PNKD: variants seen among roughly 807,000 people sequenced by gnomAD.
PNKD encodes probable thioesterase PNKD.
In PNKD, 36 loss-of-function variants were observed where a neutral mutation model predicts 45.3. That is an observed-to-expected ratio of 0.80 (90% CI 0.61 to 1.05). The LOEUF is 1.05. PNKD is among the 50% of genes least tolerant of loss of function. The pLI, the probability that PNKD is intolerant of heterozygous loss-of-function variation, is 0.00. For synonymous variants in PNKD, 197 were observed against 210.1 expected, an observed-to-expected ratio of 0.94 and a Z score of 0.54; for missense variants, 511 against 506.6, an observed-to-expected ratio of 1.01 and a Z score of -0.08.
chr2:218,278,569 G>A, intron 2 of PNKD: 1 of 1,614,192 alleles, frequency 6.2e-7, no homozygotes, highest in East Asian at 2.2e-5. Context: ...GACAGCACTA[G>A]GGACAAAGAG....
intron 2 of PNKD, among the ~76,000 whole-genome samples, chr2:218,273,106 C>A (rs1040913898): frequency 6.6e-6 from 1 of 152,178 alleles, no homozygotes; most frequent in African/African-American, 2.4e-5. Flanking sequence ...GCCCTCGGGA[C>A]CAAGCCCTCA....
chr2:218,281,919 A>C, intron 2 of PNKD: 1 of 1,566,900 alleles, frequency 6.4e-7, no homozygotes, highest in Non-Finnish European at 8.7e-7. Context: ...CCCACCTTCC[A>C]TCTGCCCTTC....
chr2:218,323,394 C>T lies in PNKD; in HGVS notation c.237-16389C>T. ...AGCGCGGCGGGGCCTCCGCGGTCTG[C>T]TCATGGCGCACAGCCAGCGGCTGCT... On this transcript the variant is annotated intron_variant, in intron 2 of 9. Transcript: ENST00000273077. 1.3e-6 allele frequency: 2 copies of T among 1,577,738 alleles called. 1 individual carries two copies. The highest frequency in any genetic ancestry group is 1.7e-6 in the Non-Finnish European group (2 of 1,168,610).
At chr2:218,276,049 G>A (rs1691172776) in intron 2 of PNKD, 1 of 1,613,104 alleles carries the variant, frequency 6.2e-7, no homozygotes, top group Non-Finnish European at 8.5e-7. Flanking sequence ...ATGGCCCCCA[G>A]AGCAGCATAG....
chr2:218,338,673 G>A (rs568508372), intron 2 of PNKD, among the ~76,000 whole-genome samples: 53 of 151,764 alleles, frequency 3.5e-4, no homozygotes, highest in Middle Eastern at 3.4e-3. Context: ...TAGTAGAGAC[G>A]GGGTTTCACC....
chr2:218,278,674 G>T, intron 2 of PNKD: 1 of 1,209,022 alleles, frequency 8.3e-7, no homozygotes, highest in Non-Finnish European at 1.2e-6. Flanking sequence ...AGTCTGAGGG[G>T]AAGCAACTCA....
chr2:218,344,647 A>G, intron 9 of PNKD, 77 bp downstream of exon 9: 3 of 1,422,066 alleles, frequency 2.1e-6, no homozygotes, highest in Middle Eastern at 3.6e-4. Context: ...TGCTGACCCC[A>G]GGCCTGCGAG....
chr2:218,295,103 T>C (rs1269355052), intron 2 of PNKD, among the ~76,000 whole-genome samples: 1 of 152,226 alleles, frequency 6.6e-6, no homozygotes, highest in Non-Finnish European at 1.5e-5. Flanking sequence ...TGCGTGCTTT[T>C]TCTCCAGAGC....
chr2:218,315,289 G>A (rs1020709217), intron 2 of PNKD, among the ~76,000 whole-genome samples: 3 of 151,150 alleles, frequency 2.0e-5, no homozygotes, highest in Non-Finnish European at 4.4e-5. Context: ...CTACAGGCAC[G>A]CGCCACCACG....
intron 2 of PNKD, among the ~76,000 whole-genome samples, chr2:218,338,716 T>C (rs1460539827): frequency 6.6e-6 from 1 of 150,774 alleles, no homozygotes; most frequent in African/African-American, 2.4e-5. Flanking sequence ...ACTCCTGACC[T>C]CAGATGATCC....
intron 2 of PNKD, chr2:218,275,654 C>G: frequency 6.3e-7 from 1 of 1,596,876 alleles, no homozygotes; most frequent in Non-Finnish European, 8.5e-7. Flanking sequence ...AGTGAGAACT[C>G]AGGCATCAGT....
intron 2 of PNKD, among the ~76,000 whole-genome samples, chr2:218,308,167 T>C (rs1422486908): frequency 6.6e-6 from 1 of 151,726 alleles, no homozygotes; most frequent in Non-Finnish European, 1.5e-5. Context: ...CAACCAAAGA[T>C]TATGACTGGA....
At chr2:218,302,977 T>C (rs1693311183) in intron 2 of PNKD, among the ~76,000 whole-genome samples, 1 of 152,160 alleles carries the variant, frequency 6.6e-6, no homozygotes, top group African/African-American at 2.4e-5. Flanking sequence ...TCTCACTCTG[T>C]TCCCCAGGCT....
At chr2:218,291,223 C>T (rs933037330) in intron 2 of PNKD, among the ~76,000 whole-genome samples, 1 of 152,166 alleles carries the variant, frequency 6.6e-6, no homozygotes, top group Non-Finnish European at 1.5e-5. Flanking sequence ...GGTCATAGCA[C>T]AGAAAGACAG....
At chr2:218,344,381 G>T in intron 8 of PNKD, 74 bp from the exon 9 acceptor site, 1 of 1,114,432 alleles carries the variant, frequency 9.0e-7, no homozygotes, top group Non-Finnish European at 1.3e-6. Flanking sequence ...CCTGGACCTG[G>T]GGCAGGGAAG....
chr2:218,273,745 C>T (rs1239904263), intron 2 of PNKD, among the ~76,000 whole-genome samples: 1 of 151,742 alleles, frequency 6.6e-6, no homozygotes, highest in Non-Finnish European at 1.5e-5. Context: ...CCCCCCACCG[C>T]CCTCGGCCTC....
At chr2:218,280,432 G>A in intron 2 of PNKD, 1 of 341,728 alleles carries the variant, frequency 2.9e-6, no homozygotes, top group Non-Finnish European at 5.6e-6. Flanking sequence ...GGCAGGAGCA[G>A]GTATGGGCAT....
intron 2 of PNKD, among the ~76,000 whole-genome samples, chr2:218,331,339 G>T (rs370205429): frequency 6.6e-6 from 1 of 151,784 alleles, no homozygotes; most frequent in Non-Finnish European, 1.5e-5. Context: ...CCCGGGAGGC[G>T]GTGGTTGCAG....
intron 2 of PNKD, among the ~76,000 whole-genome samples, chr2:218,308,333 C>T (rs1379221370): frequency 1.3e-5 from 2 of 150,540 alleles, no homozygotes; most frequent in Non-Finnish European, 3.0e-5. Flanking sequence ...ATGATTCAGG[C>T]ACCCGCCACT....
Sources: allele counts gnomAD v4.1 joint callset (sites outside exome capture counted in the v4.1 genomes callset), GRCh38; gene constraint gnomAD v4.1.1; transcripts MANE v1.5; gene names NCBI Gene and HGNC (gene_info 2026-07-23, HGNC 2026-07-21).